Variants in DENND2C observed in about 807,000 individuals in gnomAD.
The protein encoded by DENND2C is DENN domain containing 2C, also known as DENN domain-containing protein 2C.
A neutral mutation model predicts 112.4 loss-of-function variants in DENND2C; 72 were observed. The ratio of observed to expected loss-of-function variants is 0.64; its 90% confidence interval spans 0.53 to 0.78. The LOEUF (loss-of-function observed/expected upper bound fraction) is 0.78, where lower values mean the gene tolerates loss of function less well. Ranked by LOEUF, DENND2C falls within the 30% of genes least tolerant of loss-of-function variation. The pLI is 0.00. For synonymous variants in DENND2C, 329 were observed against 381.6 expected (o/e 0.86, Z 1.61); for missense variants, 992 against 1,113.8 (o/e 0.89, Z 1.56).
intron 1 of DENND2C, among the ~76,000 whole-genome samples, chr1:114,663,539 AT>A (rs560158293): frequency 4.6e-5 from 7 of 150,858 alleles, no homozygotes; most frequent in African/African-American, 7.3e-5. Flanking sequence ...AAGAACCATG[AT>A]TTTTTTTTTC....
chr1:114,623,349 T>C (rs915165856), intron 5 of DENND2C, among the ~76,000 whole-genome samples, 158 bp downstream of exon 5: 14 of 152,332 alleles, frequency 9.2e-5, no homozygotes, highest in African/African-American at 2.6e-4. Context: ...GTAAAATTCA[T>C]TAGAGAATAA....
chr1:114,646,187 A>G (rs1023547487), intron 2 of DENND2C, among the ~76,000 whole-genome samples: 23 of 152,064 alleles, frequency 1.5e-4, no homozygotes, highest in Non-Finnish European at 3.4e-4. Context: ...TCAGCCTCCC[A>G]AAGTGCTGGG....
intron 11 of DENND2C, among the ~76,000 whole-genome samples, chr1:114,604,018 CTTG>C (rs1246595454): frequency 1.3e-5 from 2 of 152,098 alleles, no homozygotes; most frequent in Non-Finnish European, 2.9e-5. Context: ...ACATATATAA[CTTG>C]TTGTGGGGAA....
chr1:114,627,643 A>T (rs1292065800), intron 3 of DENND2C, among the ~76,000 whole-genome samples: 1 of 152,214 alleles, frequency 6.6e-6, no homozygotes, highest in East Asian at 1.9e-4. Flanking sequence ...TGGATGAAAA[A>T]AAATAACTAT....
At chr1:114,659,870 T>C (rs1657445780) in intron 1 of DENND2C, among the ~76,000 whole-genome samples, 1 of 143,290 alleles carries the variant, frequency 7.0e-6, no homozygotes, top group Non-Finnish European at 1.5e-5. Context: ...CAACTCACTG[T>C]AGCCTCACTC....
At chr1:114,650,301 C>CA (rs1657117931) in intron 2 of DENND2C, among the ~76,000 whole-genome samples, 1 of 150,044 alleles carries the variant, frequency 6.7e-6, no homozygotes, top group Admixed American at 6.7e-5. Flanking sequence ...CCAACCTGGG[C>CA]AATAAGAGCG....
At chr1:114,637,405 G>T (rs944731398) in intron 3 of DENND2C, among the ~76,000 whole-genome samples, 2 of 149,508 alleles carry the variant, frequency 1.3e-5, no homozygotes, top group Non-Finnish European at 3.0e-5. Flanking sequence ...AAAAGAAAAA[G>T]AAATACTTAG....
At chr1:114,610,980 T>TG in intron 9 of DENND2C, 93 bp downstream of exon 9, 1 of 1,433,678 alleles carries the variant, frequency 7.0e-7, no homozygotes, top group Non-Finnish European at 9.7e-7. Flanking sequence ...GAACTTCATG[T>TG]GGGAAAAAAC....
intron 1 of DENND2C, among the ~76,000 whole-genome samples, chr1:114,667,535 A>G (rs1446332906): frequency 2.6e-5 from 4 of 152,166 alleles, no homozygotes; most frequent in Non-Finnish European, 5.9e-5. Context: ...GAGAGCTTAG[A>G]ATCATCCCCA....
chr1:114,655,049 T>A (rs998934546), intron 1 of DENND2C, among the ~76,000 whole-genome samples: 1 of 152,228 alleles, frequency 6.6e-6, no homozygotes, highest in African/African-American at 2.4e-5. Flanking sequence ...GGAAATATAA[T>A]CTTTAATCAT....
chr1:114,599,389 G>A lies in DENND2C; in HGVS notation c.2168C>T (p.Thr723Ile). ...ATLYPFTWQH[T>I]YIPVLPASMI... Reference sequence around the variant, plus strand: ...AGATGCTGGCAGGACTGGGATATAGGTATGCTGCCAGGTGAACGGATACAG... The same window carrying A: ...AGATGCTGGCAGGACTGGGATATAGATATGCTGCCAGGTGAACGGATACAG... Residue 723 changes from threonine (T) to isoleucine (I), a missense_variant, in exon 16 of 21, where the codon ACC becomes ATC. Transcript: ENST00000393274. The A allele has an allele frequency of 6.2e-7, 1 of 1,614,060 alleles. No homozygotes were observed. Among genetic ancestry groups the A allele is most frequent in the Non-Finnish European group, 8.5e-7 (1 of 1,179,982 alleles).
In DENND2C at chr1:114,583,807, CAA is replaced by C. The variant is rs71090794; in HGVS notation, c.*1791_*1792del. 2.7e-4 allele frequency: 23 copies of C among 85,962 alleles called. No individual in the cohort carries two copies. Among genetic ancestry groups the C allele is most frequent in the Admixed American group, 4.2e-4 (3 of 7,168 alleles). The allele number at this position is 85,962 out of a possible 1,614,324, so 5.3% of individuals were successfully genotyped here. A position where few individuals can be genotyped will look rare whatever the true frequency, so the allele number is the denominator to read the frequency against. On this transcript the variant is annotated 3_prime_UTR_variant, in exon 21 of 21. Transcript: ENST00000393274. ...GGGCAAAAAGAGCGAAACTCCATCT[CAA>C]AAAAAAAAAAAAAAAACCGAAACAA...
chr1:114,625,626 C>T lies in DENND2C; in HGVS notation c.359G>A (p.Arg120Gln), dbSNP rs770999874. Residue 120 changes from arginine to glutamine, a missense_variant, in exon 4 of 21, where the codon CGG becomes CAG. Arg to Gln is a conservative substitution (Grantham distance 43). Around this residue, in one of 3 missense-constraint regions of DENND2C, gnomAD observed 470 missense variants for 472.7 expected, o/e 0.99. Transcript: ENST00000393274. Reference protein sequence around the residue: ...NESESNWVCSRVKEIESCKED... With the variant: ...NESESNWVCSQVKEIESCKED... ...TTTACAGCTTTCAATTTCTTTGACC[C>T]GAGAACATACCCAGTTGGATTCTGA... The T allele has an allele frequency of 1.4e-5, 23 of 1,613,902 alleles. No homozygotes were observed. The highest frequency in any genetic ancestry group is 1.2e-4 in the African/African-American group (9 of 74,896).
chr1:114,612,203 C>T (rs1279815220), intron 8 of DENND2C, among the ~76,000 whole-genome samples: 4 of 152,156 alleles, frequency 2.6e-5, no homozygotes, highest in Admixed American at 1.3e-4. Context: ...ACAAGACATA[C>T]ATTTTCAACC....
At chr1:114,622,934 A>C in intron 6 of DENND2C, 53 bp downstream of exon 6, 95 of 1,383,946 alleles carry the variant, frequency 6.9e-5, no homozygotes, top group Non-Finnish European at 9.1e-5. Flanking sequence ...ATCTTTTTGT[A>C]GATACCATGA....
At position 114,653,204 on chromosome 1, in the gene DENND2C, G is replaced by T. The variant is rs138676862; in HGVS notation, c.-317+1301C>A. 2.0e-3 allele frequency among the ~76,000 whole-genome samples: 306 copies of T among 152,156 alleles called. 7 individuals are homozygous for T. The East Asian group carries it at 0.046, about 23-fold the overall frequency. ...GCTCACTGCAGCCTCTGCCTCCTGGGTTCAATCGATTCTCTTGCCTCAGCC... is the reference window on the plus strand; with the variant it reads ...GCTCACTGCAGCCTCTGCCTCCTGGTTTCAATCGATTCTCTTGCCTCAGCC... On this transcript the variant is annotated intron_variant, in intron 2 of 20. Transcript: ENST00000393274.
intron 7 of DENND2C, among the ~76,000 whole-genome samples, chr1:114,619,682 A>C (rs189967076): frequency 7.0e-4 from 107 of 152,352 alleles, no homozygotes; most frequent in African/African-American, 2.5e-3. Flanking sequence ...AAACAAGAGA[A>C]TCTAAAATAA....
rs946265397 is a variant in DENND2C, at chr1:114,621,833, T to C, written c.1227+62A>G. ...TTATTCATTTCGGTCTAAAGTTTAC[T>C]TATTCTCATTCATGGAAATGCTGAA... On this transcript the variant is annotated intron_variant, in intron 7 of 20. Transcript: ENST00000393274. The C allele has an allele frequency of 1.9e-5, 30 of 1,539,042 alleles. 1 individual carries two copies. In the African/African-American group the frequency reaches 3.4e-4, roughly 18 times the overall value.
In DENND2C at chr1:114,601,102, A is replaced by G. The variant is rs1362884262; in HGVS notation, c.1816-142T>C. The G allele has an allele frequency of 3.4e-6, 3 of 885,210 alleles. No individual in the cohort carries two copies. In the East Asian group the frequency reaches 8.2e-5, roughly 24 times the overall value. The allele number at this position is 885,210 out of a possible 1,614,324, so 54.8% of individuals were successfully genotyped here. On this transcript the variant is annotated intron_variant, in intron 13 of 20. Transcript: ENST00000393274. Reference sequence around the variant, plus strand: ...GACAGATAAGCTTCTGCAATCAATAAAAGTTAAATAAGCATCATATCTCTT... The same window carrying G: ...GACAGATAAGCTTCTGCAATCAATAGAAGTTAAATAAGCATCATATCTCTT...
Sources: allele counts gnomAD v4.1 joint callset (sites outside exome capture counted in the v4.1 genomes callset), GRCh38; gene constraint gnomAD v4.1.1; regional missense constraint gnomAD v4.1.1; transcripts MANE v1.5; gene names NCBI Gene and HGNC (gene_info 2026-07-23, HGNC 2026-07-21).